M6PR: variants seen among roughly 807,000 people sequenced by gnomAD.
The protein encoded by M6PR is mannose-6-phosphate receptor, cation dependent.
In M6PR, 19 loss-of-function variants were observed where a neutral mutation model predicts 33.1. The ratio of observed to expected loss-of-function variants is 0.57; its 90% CI spans 0.40 to 0.84. The LOEUF (loss-of-function observed/expected upper bound fraction) is 0.84. Among genes scored for constraint, M6PR ranks in the 40% least tolerant of loss-of-function variants. The probability of loss-of-function intolerance (pLI) is 0.00; values close to 1 mark genes in which losing one functional copy is unlikely to be tolerated. For missense variants in M6PR, 295 were observed against 336.0 expected (o/e 0.88, Z 0.95); for synonymous variants, 111 against 123.4 (o/e 0.90, Z 0.67).
chr12:8,944,181 A>G (rs1946064444), intron 3 of M6PR, among the ~76,000 whole-genome samples: 2 of 152,244 alleles, frequency 1.3e-5, no homozygotes, highest in African/African-American at 4.8e-5. Flanking sequence ...AAAACCAATT[A>G]TGATCCATAC....
At position 8,942,420 on chromosome 12, in the gene M6PR, A is replaced by G; in HGVS notation, c.707T>C (p.Val236Ala). ...ACCAGCTGCCCTGTTACTTACTGCT[A>G]CCAGGTTGCCAAGATCCTGCCAGAA... ...LAFWQDLGNLVADGCDFVCRS... is the reference protein window; with the variant it reads ...LAFWQDLGNLAADGCDFVCRS... The change falls in exon 6 of 7, where the codon GTA (valine) becomes GCA (alanine). Residue 236 changes from valine (V) to alanine (A), a missense_variant. By Grantham distance (64) the Val-to-Ala change is moderately conservative. Coordinates refer to ENST00000000412, the MANE Select transcript of M6PR (RefSeq NM_002355.4). 6.2e-7 allele frequency: 1 copy of G among 1,614,192 alleles called. No individual in the cohort carries two copies. The highest frequency in any genetic ancestry group is 2.2e-5 in the East Asian group (1 of 44,884).
intron 2 of M6PR, 109 bp downstream of exon 2, chr12:8,946,120 G>C (rs1946089584): frequency 9.1e-7 from 1 of 1,098,202 alleles, no homozygotes; most frequent in Non-Finnish European, 1.3e-6. Context: ...ACTGGGCTGA[G>C]AATTTGCTCT....
rs1447171890 is a variant in M6PR, at chr12:8,941,881, A to G, written c.771T>C (p.Gly257=). The G allele has an allele frequency of 3.1e-6, 5 of 1,613,966 alleles. No homozygotes were observed. The highest frequency in any genetic ancestry group is 4.2e-6 in the Non-Finnish European group (5 of 1,180,018). The change falls in exon 7 of 7, where the codon GGT becomes GGC. Residue 257 remains glycine (G), a synonymous_variant. Coordinates refer to ENST00000000412, the MANE Select transcript of M6PR (RefSeq NM_002355.4). ...KPRNVPAAYR[G]VGDDQLGEES... The stretch of plus-strand genomic sequence containing the variant: ...CCTCCCCCAGCTGGTCATCCCCCAC[A>G]CCACGATATGCTGCAGGCACATTTC...
In M6PR at chr12:8,946,590, T is replaced by C. The variant is rs551032024; in HGVS notation, c.-1-185A>G. 899 of 514,026 alleles carry C rather than the reference T, an allele frequency of 1.7e-3. 3 individuals carry two copies. The highest frequency in any genetic ancestry group is 2.4e-3 in the Non-Finnish European group (699 of 292,654). The allele number at this position is 514,026 out of a possible 1,614,324, so 31.8% of individuals were successfully genotyped here. A position where few individuals can be genotyped will look rare whatever the true frequency, so the allele number is the denominator to read the frequency against. Reference sequence around the variant, plus strand: ...TAACAAGAGCATCTGCAGCAGAAAATTCATTTATATGTAACTTGTAGTCTA... The same window carrying C: ...TAACAAGAGCATCTGCAGCAGAAAACTCATTTATATGTAACTTGTAGTCTA... On this transcript the variant is annotated intron_variant, in intron 1 of 6. Coordinates refer to ENST00000000412, the MANE Select transcript of M6PR (RefSeq NM_002355.4).
chr12:8,945,426 A>T lies in M6PR; in HGVS notation c.335T>A (p.Phe112Tyr), dbSNP rs1445853094. Residue 112 changes from phenylalanine (F) to tyrosine (Y), a missense_variant, in exon 3 of 7, where the codon TTC becomes TAC. Phe to Tyr is a conservative substitution (Grantham distance 22). Coordinates refer to ENST00000000412, the MANE Select transcript of M6PR (RefSeq NM_002355.4). ...VVGRLNETHI[F>Y]NGSNWIMLIY... is the part of the protein sequence containing the mutation. ...AAGGGGAGTTTTCTTACTTCCGTTGAAGATGTGAGTCTCGTTGAGTCTCCC... is the reference window on the plus strand; with the variant it reads ...AAGGGGAGTTTTCTTACTTCCGTTGTAGATGTGAGTCTCGTTGAGTCTCCC... The T allele has an allele frequency of 1.9e-6, 3 of 1,613,898 alleles. No homozygotes were observed. In the African/African-American group the frequency reaches 4.0e-5, roughly 22 times the overall value.
rs373089110 is a variant in M6PR, at chr12:8,948,042, C to G, written c.-2+1446G>C. Among the ~76,000 whole-genome samples the G allele has an allele frequency of 1.1e-3, 175 of 152,294 alleles. 1 individual carries two copies. Among genetic ancestry groups the G allele is most frequent in the African/African-American group, 4.1e-3 (170 of 41,550 alleles). On this transcript the variant is annotated intron_variant, in intron 1 of 6. Transcript: ENST00000000412. ...CTGACTTAGCCTGCCATTTTCCTTT[C>G]CAGTCTCTCAGGACCTAATTAAAAA...
At chr12:8,944,669 A>G (rs180914159) in intron 3 of M6PR, among the ~76,000 whole-genome samples, 1 of 152,310 alleles carries the variant, frequency 6.6e-6, no homozygotes, top group Non-Finnish European at 1.5e-5. Context: ...AAGAAATATC[A>G]CCACCATAGC....
intron 3 of M6PR, among the ~76,000 whole-genome samples, chr12:8,944,292 A>AGCCCCAGATAAATTCAGAGTGGATATCT (rs1384818163): frequency 3.3e-5 from 5 of 152,248 alleles, no homozygotes; most frequent in African/African-American, 1.2e-4. Context: ...ATTTCAACTT[A>AGCCCCAGATAAATTCAGAGTGGATATCT]GCCCCAGATA....
At position 8,941,838 on chromosome 12, in the gene M6PR, C is replaced by A. The variant is rs1946013691; in HGVS notation, c.814G>T (p.Asp272Tyr). 1 of 1,614,130 alleles carries A rather than the reference C, an allele frequency of 6.2e-7. No individual in the cohort carries two copies. The highest frequency in any genetic ancestry group is 8.5e-7 in the Non-Finnish European group (1 of 1,180,020). Residue 272 changes from aspartate to tyrosine, a missense_variant, in exon 7 of 7, where the codon GAC becomes TAC. Transcript: ENST00000000412. ...GCAATCTACATTGGTAATAAATGGT[C>A]ATCCCTTTCTTCTGACTCCTCCCCC... ...QLGEESEERD[D>Y]HLLPM
chr12:8,945,784 T>C (rs1946085891), intron 2 of M6PR, among the ~76,000 whole-genome samples, 200 bp from the exon 3 acceptor site: 1 of 152,250 alleles, frequency 6.6e-6, no homozygotes, highest in Admixed American at 6.5e-5. Flanking sequence ...TGATGAATTA[T>C]TAAAACACAC....
chr12:8,943,848 G>T lies in M6PR; in HGVS notation c.406C>A (p.Gln136Lys). 6.2e-7 allele frequency: 1 copy of T among 1,613,602 alleles called. No individual in the cohort carries two copies. Among genetic ancestry groups the T allele is most frequent in the Non-Finnish European group, 8.5e-7 (1 of 1,180,028 alleles). ...GAGATCATCACCACTGCACGACGCT[G>T]CTCCTTGCCACAGTGGTTGTCATAT... Reference protein sequence around the residue: ...DEYDNHCGKEQRRAVVMISCN... With the variant: ...DEYDNHCGKEKRRAVVMISCN... Residue 136 changes from glutamine (Q) to lysine (K), a missense_variant, in exon 4 of 7, where the codon CAG (glutamine) becomes AAG (lysine). Transcript: ENST00000000412.
At chr12:8,943,696 C>G (rs1946057734) in intron 4 of M6PR, 105 bp downstream of exon 4, 5 of 1,332,020 alleles carry the variant, frequency 3.8e-6, no homozygotes, top group African/African-American at 1.4e-5. Context: ...TCCTAGTTTT[C>G]TAATGTCCAT....
Sources: allele counts gnomAD v4.1 joint callset (sites outside exome capture counted in the v4.1 genomes callset), GRCh38; gene constraint gnomAD v4.1.1; transcripts MANE v1.5; gene names NCBI Gene and HGNC (gene_info 2026-07-23, HGNC 2026-07-21).